Variants in OSBPL8 observed in about 807,000 individuals in gnomAD.
OSBPL8 encodes the protein oxysterol binding protein like 8, also known as oxysterol-binding protein-related protein 8.
OSBPL8 carries 59 observed loss-of-function variants against 125.5 expected under a neutral mutation model. The ratio of observed to expected loss-of-function variants is 0.47; its 90% confidence interval spans 0.38 to 0.58. The LOEUF (loss-of-function observed/expected upper bound fraction) is 0.58. Among genes scored for constraint, OSBPL8 ranks in the 20% least tolerant of loss-of-function variants. OSBPL8 has a pLI of 0.00. For missense variants in OSBPL8, 758 were observed against 1,047.8 expected (o/e 0.72, Z 3.82); for synonymous variants, 330 against 338.9 (o/e 0.97, Z 0.29).
chr12:76,436,949 T>A (rs949800063), intron 4 of OSBPL8, among the ~76,000 whole-genome samples: 3 of 152,202 alleles, frequency 2.0e-5, no homozygotes, highest in African/African-American at 7.2e-5. Context: ...TTTACATAAA[T>A]GTCTTAACTT....
intron 8 of OSBPL8, among the ~76,000 whole-genome samples, chr12:76,395,118 T>G (rs1353451081): frequency 6.6e-6 from 1 of 152,086 alleles, no homozygotes; most frequent in African/African-American, 2.4e-5. Context: ...GAATTATAAT[T>G]TAAAAAAAGA....
intron 22 of OSBPL8, 34 bp downstream of exon 22, chr12:76,358,668 AAGTT>A (rs1274161003): frequency 6.7e-7 from 1 of 1,482,806 alleles, no homozygotes; most frequent in Non-Finnish European, 9.4e-7. Context: ...AGTAATTAAA[AAGTT>A]AGACTCTCAT....
chr12:76,541,166 A>G (rs1458899193), intron 1 of OSBPL8, among the ~76,000 whole-genome samples: 1 of 152,196 alleles, frequency 6.6e-6, no homozygotes, highest in East Asian at 1.9e-4. Flanking sequence ...GTAATAAATA[A>G]GTATTTGCAA....
chr12:76,394,585 G>T, intron 9 of OSBPL8, 60 bp downstream of exon 9: 2 of 1,132,714 alleles, frequency 1.8e-6, no homozygotes, highest in Non-Finnish European at 2.6e-6. Context: ...ATACAAAGTG[G>T]CATTAAAAAA....
chr12:76,486,460 T>C (rs1486567977), intron 2 of OSBPL8, among the ~76,000 whole-genome samples: 1 of 152,244 alleles, frequency 6.6e-6, no homozygotes, highest in East Asian at 1.9e-4. Flanking sequence ...GGGGCACCTT[T>C]ACTTTAGGTA....
chr12:76,439,318 G>T (rs4466886), intron 4 of OSBPL8, among the ~76,000 whole-genome samples: 15,645 of 152,008 alleles, frequency 0.1, 1,187 homozygotes, highest in East Asian at 0.36. Flanking sequence ...GGCGGAGGTT[G>T]CAGTGACCCA....
At chr12:76,503,370 T>C (rs999371939) in intron 1 of OSBPL8, among the ~76,000 whole-genome samples, 1 of 152,148 alleles carries the variant, frequency 6.6e-6, no homozygotes, top group Admixed American at 6.5e-5. Context: ...AATTTCCTCT[T>C]CTTATAAGGA....
At chr12:76,455,636 C>A (rs897480750) in intron 3 of OSBPL8, among the ~76,000 whole-genome samples, 9 of 152,254 alleles carry the variant, frequency 5.9e-5, no homozygotes, top group South Asian at 2.1e-4. Context: ...ACCAAAAAAA[C>A]CAGAAAGCCC....
chr12:76,511,465 T>C (rs1408787213), intron 1 of OSBPL8, among the ~76,000 whole-genome samples: 1 of 152,222 alleles, frequency 6.6e-6, no homozygotes, highest in Non-Finnish European at 1.5e-5. Flanking sequence ...GATTTGCATT[T>C]CTCTAATGAT....
At position 76,490,326 on chromosome 12, in the gene OSBPL8, C is replaced by T. The variant is rs559417220; in HGVS notation, c.-67-2708G>A. Among the ~76,000 whole-genome samples the T allele has an allele frequency of 5.3e-5, 8 of 152,314 alleles. No individual in the cohort carries two copies. In the East Asian group the frequency reaches 7.7e-4, roughly 15 times the overall value. ...AACAAGAACTTATATCCCTGTTTTCCGGCTCGAATGTTGCCTTTTCCTAAA... is the reference window on the plus strand; with the variant it reads ...AACAAGAACTTATATCCCTGTTTTCTGGCTCGAATGTTGCCTTTTCCTAAA... On this transcript the variant is annotated intron_variant, in intron 1 of 23. Coordinates refer to ENST00000261183, the MANE Select transcript of OSBPL8 (RefSeq NM_020841.5).
At chr12:76,526,467 GTTAC>G (rs1287882178) in intron 1 of OSBPL8, among the ~76,000 whole-genome samples, 1 of 151,562 alleles carries the variant, frequency 6.6e-6, no homozygotes, top group African/African-American at 2.4e-5. Flanking sequence ...CTAGTATACA[GTTAC>G]TTAATTTTTT....
At chr12:76,476,654 G>A (rs1194224487) in intron 2 of OSBPL8, among the ~76,000 whole-genome samples, 3 of 151,734 alleles carry the variant, frequency 2.0e-5, no homozygotes, top group African/African-American at 4.8e-5. Flanking sequence ...TGAAACAGAA[G>A]TGCCACATTC....
intron 15 of OSBPL8, among the ~76,000 whole-genome samples, chr12:76,380,370 C>CA (rs1952990546): frequency 6.6e-6 from 1 of 151,782 alleles, no homozygotes; most frequent in Non-Finnish European, 1.5e-5. Flanking sequence ...TTTTTAAATA[C>CA]ATTATTTGGA....
chr12:76,443,166 A>C (rs375991014), intron 4 of OSBPL8, among the ~76,000 whole-genome samples: 1 of 152,222 alleles, frequency 6.6e-6, no homozygotes, highest in African/African-American at 2.4e-5. Context: ...TAAAATTTTA[A>C]ACATTTAAAA....
At chr12:76,384,067 T>C (rs925800130) in intron 15 of OSBPL8, among the ~76,000 whole-genome samples, 187 bp downstream of exon 15, 3 of 152,238 alleles carry the variant, frequency 2.0e-5, no homozygotes, top group African/African-American at 7.2e-5. Flanking sequence ...TATTCACATA[T>C]ATGTGATGAA....
At chr12:76,499,588 T>C (rs1879681564) in intron 1 of OSBPL8, among the ~76,000 whole-genome samples, 1 of 152,068 alleles carries the variant, frequency 6.6e-6, no homozygotes, top group South Asian at 2.1e-4. Context: ...CAGTAGCTCA[T>C]GCCTGTAATC....
At chr12:76,444,452 A>T (rs928891025) in intron 4 of OSBPL8, among the ~76,000 whole-genome samples, 2 of 152,308 alleles carry the variant, frequency 1.3e-5, no homozygotes, top group African/African-American at 4.8e-5. Context: ...TTCTAGAATG[A>T]GAAGTATTTG....
chr12:76,437,208 T>C (rs1871567781), intron 4 of OSBPL8, among the ~76,000 whole-genome samples: 1 of 152,214 alleles, frequency 6.6e-6, no homozygotes, highest in African/African-American at 2.4e-5. Flanking sequence ...TGCTACATAA[T>C]GTCAAACTAT....
intron 2 of OSBPL8, among the ~76,000 whole-genome samples, chr12:76,473,337 CG>C (rs1458940945): frequency 6.6e-6 from 1 of 152,142 alleles, no homozygotes; most frequent in African/African-American, 2.4e-5. Context: ...CTTGTGCCCT[CG>C]GTCTCTTGCC....
Sources: allele counts gnomAD v4.1 joint callset (sites outside exome capture counted in the v4.1 genomes callset), GRCh38; gene constraint gnomAD v4.1.1; transcripts MANE v1.5; gene names NCBI Gene and HGNC (gene_info 2026-07-23, HGNC 2026-07-21).